The following PCYT2 variants were observed in gnomAD, a reference collection of about 807,000 sequenced individuals.
The protein encoded by PCYT2 is phosphate cytidylyltransferase 2, ethanolamine, also known as ethanolamine-phosphate cytidylyltransferase.
PCYT2 carries 33 observed loss-of-function variants against 50.0 expected under a neutral mutation model. That is an observed-to-expected ratio of 0.66 (90% confidence interval 0.50 to 0.88). The LOEUF (loss-of-function observed/expected upper bound fraction) is 0.88, where lower values mean the gene tolerates loss of function less well. Ranked by LOEUF, PCYT2 falls within the 40% of genes least tolerant of loss-of-function variation. The pLI is 0.00. For synonymous variants in PCYT2, 240 were observed against 203.7 expected (o/e 1.18, Z -1.52); for missense variants, 430 against 519.7 (o/e 0.83, Z 1.68).
chr17:81,908,272 T>C (rs1369653244), intron 4 of PCYT2, among the ~76,000 whole-genome samples: 7 of 152,156 alleles, frequency 4.6e-5, no homozygotes, highest in Admixed American at 4.6e-4. Flanking sequence ...GTAATTCAGA[T>C]ATAGTGCCAG....
chr17:81,901,160 G>C lies in PCYT2; in HGVS notation c.*3673C>G, dbSNP rs2039940580. On this transcript the variant is annotated 3_prime_UTR_variant, in exon 13 of 13. Coordinates refer to ENST00000538936, the MANE Select transcript of PCYT2 (RefSeq NM_002861.5). ...GCAAGCCACTGGTGTAGGTCCGAGA[G>C]TCCAAAAGCTGAAGAACCTGGAGGC... The C allele has an allele frequency of 6.6e-6, 1 of 152,214 alleles. No homozygotes were observed. The highest frequency in any genetic ancestry group is 2.4e-5 in the African/African-American group (1 of 41,436). The allele number at this position is 152,214 out of a possible 1,614,324, so 9.4% of individuals were successfully genotyped here. A position where few individuals can be genotyped will look rare whatever the true frequency, so the allele number is the denominator to read the frequency against.
In PCYT2 at chr17:81,903,045, A is replaced by G; in HGVS notation, c.*1788T>C. On this transcript the variant is annotated 3_prime_UTR_variant, in exon 13 of 13. Coordinates refer to ENST00000538936, the MANE Select transcript of PCYT2 (RefSeq NM_002861.5). ...GGGCCGCCCAGAGGTCTTCAGACCC[A>G]GGGGCGAAGCTGGCCACGACCCAGC... The G allele has an allele frequency of 2.5e-6, 1 of 407,234 alleles. No individual in the cohort carries two copies. Among genetic ancestry groups the G allele is most frequent in the Non-Finnish European group, 4.4e-6 (1 of 229,824 alleles). The allele number at this position is 407,234 out of a possible 1,614,324, so 25.2% of individuals were successfully genotyped here. A position where few individuals can be genotyped will look rare whatever the true frequency, so the allele number is the denominator to read the frequency against.
At chr17:81,907,090 A>T in intron 6 of PCYT2, 192 bp from the exon 7 acceptor site, 2 of 1,083,580 alleles carry the variant, frequency 1.8e-6, no homozygotes, top group Non-Finnish European at 2.6e-6. Context: ...CAGGCACCGC[A>T]GCAGACACCA....
Position 81,902,572 on chromosome 17 carries a change from T to A in PCYT2, c.*2261A>T. On this transcript the variant is annotated 3_prime_UTR_variant, in exon 13 of 13. Transcript: ENST00000538936. ...ACTGATGGGGGGCGGCGGCAGGACG[T>A]GGGTGGGGGTGCGGCGGCCCCTCAG... 6.6e-7 allele frequency: 1 copy of A among 1,507,276 alleles called. No individual in the cohort carries two copies. 93.4% of individuals were successfully genotyped at this position (1,507,276 alleles called of 1,614,324 possible). A position where few individuals can be genotyped will look rare whatever the true frequency, so the allele number is the denominator to read the frequency against.
intron 1 of PCYT2, among the ~76,000 whole-genome samples, chr17:81,909,939 A>G (rs2040485149): frequency 6.6e-6 from 1 of 152,162 alleles, no homozygotes; most frequent in Admixed American, 6.5e-5. Context: ...CCCTCACCAA[A>G]TATCAACTGC....
chr17:81,906,290 G>T (rs1598320931), intron 8 of PCYT2, 113 bp from the exon 9 acceptor site: 1 of 1,140,688 alleles, frequency 8.8e-7, no homozygotes, highest in Non-Finnish European at 1.3e-6. Context: ...CCCTTGTGGG[G>T]ATGCCCCAGA....
chr17:81,902,121 G>T lies in PCYT2; in HGVS notation c.*2712C>A. On this transcript the variant is annotated 3_prime_UTR_variant, in exon 13 of 13. Transcript: ENST00000538936. ...TGGTTCCTTTGGGATGCGGAGGTGC[G>T]ACGGCTCCTCCGCGCGCGCCCGCTG... 1 of 586,276 alleles carries T rather than the reference G, an allele frequency of 1.7e-6. No individual in the cohort carries two copies. Among genetic ancestry groups the T allele is most frequent in the Non-Finnish European group, 2.4e-6 (1 of 419,252 alleles). 36.3% of individuals were successfully genotyped at this position (586,276 alleles called of 1,614,324 possible).
Position 81,904,941 on chromosome 17 carries a change from C to T in PCYT2, c.1062G>A (p.Leu354=). Residue 354 remains leucine, a synonymous_variant, in exon 13 of 13, where the codon TTG becomes TTA. Coordinates refer to ENST00000538936, the MANE Select transcript of PCYT2 (RefSeq NM_002861.5). ...LIVQRIITNR[L]EYEARNQKKE... is the part of the protein sequence containing the mutation. ...TCTTCTGGTTTCGCGCCTCATACTC[C>T]AACCTGAGAGGGCAGGGTAAGTCTA... is the stretch of plus-strand genomic sequence containing the variant. The T allele has an allele frequency of 1.2e-6, 2 of 1,612,304 alleles. No homozygotes were observed. Among genetic ancestry groups the T allele is most frequent in the Non-Finnish European group, 1.7e-6 (2 of 1,179,358 alleles).
In PCYT2 at chr17:81,902,312, T is replaced by C. The variant is rs1054263294; in HGVS notation, c.*2521A>G. On this transcript the variant is annotated 3_prime_UTR_variant, in exon 13 of 13. Transcript: ENST00000538936. ...TCCGCGACACTGGCGGCCGCCGCCC[T>C]GGCGCTGTGCCTGCTGCTGGCGCCG... 3 of 1,334,232 alleles carry C rather than the reference T, an allele frequency of 2.2e-6. No individual in the cohort carries two copies. Among genetic ancestry groups the C allele is most frequent in the Admixed American group, 3.8e-5 (1 of 26,434 alleles). 82.6% of individuals were successfully genotyped at this position (1,334,232 alleles called of 1,614,324 possible).
chr17:81,903,130 G>A lies in PCYT2; in HGVS notation c.*1703C>T, dbSNP rs753655692. 1.5e-4 allele frequency: 35 copies of A among 239,888 alleles called. No homozygotes were observed. Among genetic ancestry groups the A allele is most frequent in the Non-Finnish European group, 2.6e-4 (32 of 125,014 alleles). 14.9% of individuals were successfully genotyped at this position (239,888 alleles called of 1,614,324 possible). A position where few individuals can be genotyped will look rare whatever the true frequency, so the allele number is the denominator to read the frequency against. ...CTGGGGGAAGTGCAGGGCCACGGCT[G>A]GCCCGGTTCCCAGTGTCCTCCCCCA... On this transcript the variant is annotated 3_prime_UTR_variant, in exon 13 of 13. Transcript: ENST00000538936.
Position 81,904,771 on chromosome 17 carries a change from T to A in PCYT2, c.*62A>T, listed in dbSNP as rs192362456. 1.7e-4 allele frequency: 201 copies of A among 1,155,756 alleles called. 2 individuals carry two copies. The South Asian group carries it at 2.5e-3, about 14-fold the overall frequency. The allele number at this position is 1,155,756 out of a possible 1,614,324, so 71.6% of individuals were successfully genotyped here. ...GAGAGGGCGGCCCTGCAGAGTCCTA[T>A]GTCCAAACGCAGAAGGCGCAGAAGC... On this transcript the variant is annotated 3_prime_UTR_variant, in exon 13 of 13. Coordinates refer to ENST00000538936, the MANE Select transcript of PCYT2 (RefSeq NM_002861.5).
chr17:81,907,677 C>T, intron 5 of PCYT2, 79 bp from the exon 6 acceptor site: 1 of 1,594,312 alleles, frequency 6.3e-7, no homozygotes, highest in Non-Finnish European at 8.6e-7. Context: ...GGATGGGGAG[C>T]AGTGGGCAGG....
At position 81,905,120 on chromosome 17, in the gene PCYT2, T is replaced by C; in HGVS notation, c.1004A>G (p.Asp335Gly). The C allele has an allele frequency of 1.5e-5, 25 of 1,613,376 alleles. No individual in the cohort carries two copies. Among genetic ancestry groups the C allele is most frequent in the Non-Finnish European group, 2.1e-5 (25 of 1,179,922 alleles). Residue 335 changes from aspartate to glycine, a missense_variant, in exon 12 of 13, where the codon GAC (aspartate) becomes GGC (glycine). Around this residue, in one of 4 missense-constraint regions of PCYT2, gnomAD observed 248 missense variants for 300.2 expected, o/e 0.83. Transcript: ENST00000538936. Reference sequence around the variant, plus strand: ...GTCTGTGGTGAGGTTGCTGCCACTGTCAATCTGACGGAAGATGCCCCTTCT... The same window carrying C: ...GTCTGTGGTGAGGTTGCTGCCACTGCCAATCTGACGGAAGATGCCCCTTCT... Reference protein sequence around the residue: ...PKRRGIFRQIDSGSNLTTDLI... With the variant: ...PKRRGIFRQIGSGSNLTTDLI...
chr17:81,908,939 C>T lies in PCYT2; in HGVS notation c.277G>A (p.Ala93Thr). 2.5e-6 allele frequency: 4 copies of T among 1,614,002 alleles called. No individual in the cohort carries two copies. The highest frequency in any genetic ancestry group is 3.4e-6 in the Non-Finnish European group (4 of 1,179,990). ...GTCTCTAGTGTAGTGACGTAGGGAG[C>T]CGCTGGCACCACCTCGTCCACCCAT... ...IKWVDEVVPA[A>T]PYVTTLETLD... is the part of the protein sequence containing the mutation. Residue 93 changes from alanine (A) to threonine (T), a missense_variant, in exon 3 of 13, where the codon GCT becomes ACT. Transcript: ENST00000538936.
chr17:81,901,045 G>A lies in PCYT2; in HGVS notation c.*3788C>T, dbSNP rs2039936086. The A allele has an allele frequency of 6.6e-6, 1 of 152,226 alleles. No individual in the cohort carries two copies. The highest frequency in any genetic ancestry group is 1.5e-5 in the Non-Finnish European group (1 of 68,042). The allele number at this position is 152,226 out of a possible 1,614,324, so 9.4% of individuals were successfully genotyped here. A position where few individuals can be genotyped will look rare whatever the true frequency, so the allele number is the denominator to read the frequency against. On this transcript the variant is annotated 3_prime_UTR_variant, in exon 13 of 13. Coordinates refer to ENST00000538936, the MANE Select transcript of PCYT2 (RefSeq NM_002861.5). ...CACAATAAGCCATGTGCAAGGTGAG[G>A]AGCAAGGAAGCCAGTCTGAGTCCCA...
In PCYT2 at chr17:81,905,342, A is replaced by G. The variant is rs201436685; in HGVS notation, c.969+40T>C. On this transcript the variant is annotated intron_variant, in intron 11 of 12. Transcript: ENST00000538936. ...GTCATTAAATGGCTGGGAGGTGCCA[A>G]TGGCAACCCCTGTGCCCAGCAAGGG... 1.9e-5 allele frequency: 29 copies of G among 1,528,102 alleles called. No homozygotes were observed. The Middle Eastern group carries it at 6.7e-4, about 35-fold the overall frequency. 94.7% of individuals were successfully genotyped at this position (1,528,102 alleles called of 1,614,324 possible).
At chr17:81,906,059 A>G (rs754777667) in intron 9 of PCYT2, 41 bp downstream of exon 9, 75 of 1,548,918 alleles carry the variant, frequency 4.8e-5, no homozygotes, top group Non-Finnish European at 6.5e-5. Context: ...TGTTGTGGGA[A>G]TGTCTCCCCA....
intron 4 of PCYT2, 108 bp from the exon 5 acceptor site, chr17:81,907,965 G>A: frequency 1.1e-6 from 1 of 909,284 alleles, no homozygotes; most frequent in South Asian, 1.7e-5. Flanking sequence ...AGAACCCACG[G>A]CTGCCCCAAA....
In PCYT2 at chr17:81,905,019, G is replaced by A. The variant is rs184613479; in HGVS notation, c.1058+47C>T. The A allele has an allele frequency of 1.5e-4, 244 of 1,580,814 alleles. 1 individual carries two copies. Among genetic ancestry groups the A allele is most frequent in the Middle Eastern group, 3.3e-4 (2 of 6,000 alleles). On this transcript the variant is annotated intron_variant, in intron 12 of 12. Coordinates refer to ENST00000538936, the MANE Select transcript of PCYT2 (RefSeq NM_002861.5). The stretch of plus-strand genomic sequence containing the variant: ...AGGGGGAGGGCACGGTAAGTCTAGC[G>A]GAGAGCGCCCATGAGGCGGCTCCGA...
Sources: allele counts gnomAD v4.1 joint callset (sites outside exome capture counted in the v4.1 genomes callset), GRCh38; gene constraint gnomAD v4.1.1; regional missense constraint gnomAD v4.1.1; transcripts MANE v1.5; gene names NCBI Gene and HGNC (gene_info 2026-07-23, HGNC 2026-07-21).